LYG2: variants seen among roughly 807,000 people sequenced by gnomAD.
LYG2 encodes the protein lysozyme g2, also known as lysozyme g-like protein 2.
LYG2 carries 25 observed loss-of-function variants against 22.4 expected under a neutral mutation model. The ratio of observed to expected loss-of-function variants is 1.12; its 90% CI spans 0.81 to 1.56. The LOEUF is 1.56. Among genes scored for constraint, LYG2 ranks in the 40% most tolerant of loss-of-function variants. The pLI, the probability that LYG2 is intolerant of heterozygous loss-of-function variation, is 0.00. For missense variants in LYG2, 266 were observed against 269.5 expected, an observed-to-expected ratio of 0.99 and a Z score of 0.09; for synonymous variants, 88 against 97.0, an observed-to-expected ratio of 0.91 and a Z score of 0.55.
intron 3 of LYG2, among the ~76,000 whole-genome samples, chr2:99,253,949 C>G (rs2094031507): frequency 6.6e-6 from 1 of 152,154 alleles, no homozygotes; most frequent in African/African-American, 2.4e-5. Flanking sequence ...GGTAAGGTAT[C>G]CAGCCTGATA....
rs1425891414 is a variant in LYG2 at position 99,245,418 on chromosome 2, C to T, written c.225G>A (p.Arg75=). Residue 75 remains arginine (R), a synonymous_variant, in exon 5 of 7, where the codon AGG becomes AGA. Coordinates refer to ENST00000333017, the MANE Select transcript of LYG2 (RefSeq NM_175735.4). ...GSEMFAEMDL[R]AIKPYQTLIK... is the part of the protein sequence containing the mutation. ...TCAGAGTCTGGTAAGGTTTTATGGC[C>T]CTCAAATCCATCTCAGCAAACATTT... 6.2e-7 allele frequency: 1 copy of T among 1,610,238 alleles called. No homozygotes were observed. The highest frequency in any genetic ancestry group is 1.3e-5 in the African/African-American group (1 of 74,734).
chr2:99,252,897 A>G (rs867262344), intron 3 of LYG2, among the ~76,000 whole-genome samples: 1 of 151,692 alleles, frequency 6.6e-6, no homozygotes, highest in Non-Finnish European at 1.5e-5. Flanking sequence ...ATACAAAAAA[A>G]TTAGCTGGGC....
Position 99,246,817 on chromosome 2 carries a change from G to T in LYG2, c.47C>A (p.Thr16Asn). 1 of 1,609,950 alleles carries T rather than the reference G, an allele frequency of 6.2e-7. No individual in the cohort carries two copies. The highest frequency in any genetic ancestry group is 1.1e-5 in the South Asian group (1 of 90,006). ...VFWGLIALIG[T>N]SRGSYPFSHS... is the part of the protein sequence containing the mutation. ...ACTGAAGGGGTATGAGCCCCTGGAA[G>T]TGCCTAGGAGGCAGAAGTGTAACTC... Residue 16 changes from threonine (T) to asparagine (N), a missense_variant, in exon 4 of 7, where the codon ACT becomes AAT. Coordinates refer to ENST00000333017, the MANE Select transcript of LYG2 (RefSeq NM_175735.4).
At chr2:99,250,605 A>C (rs1031712808) in intron 3 of LYG2, among the ~76,000 whole-genome samples, 1 of 152,038 alleles carries the variant, frequency 6.6e-6, no homozygotes, top group South Asian at 2.1e-4. Context: ...CGATCTGCTG[A>C]CCTTGTGATC....
Position 99,245,470 on chromosome 2 carries a change from G to T in LYG2, c.185-12C>A. 6.4e-7 allele frequency: 1 copy of T among 1,557,116 alleles called. No homozygotes were observed. The highest frequency in any genetic ancestry group is 8.8e-7 in the Non-Finnish European group (1 of 1,138,652). On this transcript the variant is annotated splice_polypyrimidine_tract_variant and intron_variant, in intron 4 of 6. Transcript: ENST00000333017. ...AGAACCACGGATCCCTACGTCAATA[G>T]AAAAGAAACTGTTTTTCCGGGCATG... is the stretch of plus-strand genomic sequence containing the variant.
At chr2:99,253,048 CAAAA>C (rs35859472) in intron 3 of LYG2, among the ~76,000 whole-genome samples, 1 of 67,280 alleles carries the variant, frequency 1.5e-5, no homozygotes, top group African/African-American at 6.3e-5. Context: ...GACTCTGTCT[CAAAA>C]AAAAAAAAAA....
chr2:99,255,906 G>A (rs1409288101), upstream of LYG2, among the ~76,000 whole-genome samples: 1 of 152,196 alleles, frequency 6.6e-6, no homozygotes, highest in Admixed American at 6.5e-5. Context: ...TCAGGCTTAT[G>A]TCCAAAGGAA....
chr2:99,250,164 G>T (rs966084679), intron 3 of LYG2, among the ~76,000 whole-genome samples: 2 of 152,010 alleles, frequency 1.3e-5, no homozygotes, highest in Non-Finnish European at 2.9e-5. Flanking sequence ...GTATGTTTGT[G>T]GTCCCTTTTG....
In LYG2 at chr2:99,244,149, A is replaced by G; in HGVS notation, c.382-12T>C. 2 of 1,610,552 alleles carry G rather than the reference A, an allele frequency of 1.2e-6. No individual in the cohort carries two copies. The highest frequency in any genetic ancestry group is 1.3e-5 in the African/African-American group (1 of 74,870). ...GTTTGTTTATCAAGCTAGAAAATTCAGATAATAAAGTCAGCATCTGGATGA... is the reference window on the plus strand; with the variant it reads ...GTTTGTTTATCAAGCTAGAAAATTCGGATAATAAAGTCAGCATCTGGATGA... On this transcript the variant is annotated splice_polypyrimidine_tract_variant and intron_variant, in intron 5 of 6. Coordinates refer to ENST00000333017, the MANE Select transcript of LYG2 (RefSeq NM_175735.4).
chr2:99,251,225 T>C (rs2094025979), intron 3 of LYG2, among the ~76,000 whole-genome samples: 1 of 151,892 alleles, frequency 6.6e-6, no homozygotes, highest in Non-Finnish European at 1.5e-5. Flanking sequence ...TGGGGAAAAA[T>C]GGAATCATAA....
chr2:99,242,894 A>G lies in LYG2; in HGVS notation c.521-412T>C, dbSNP rs79636153. 1.0e-2 allele frequency among the ~76,000 whole-genome samples: 1,519 copies of G among 152,332 alleles called. 12 individuals carry two copies. Among genetic ancestry groups the G allele is most frequent in the Middle Eastern group, 0.02 (6 of 294 alleles). ...TACTATGTGCCAGGAGAGGTGCCAC[A>G]CTGACTGCAAGGTACCCAAGACACA... On this transcript the variant is annotated intron_variant, in intron 6 of 6. Coordinates refer to ENST00000333017, the MANE Select transcript of LYG2 (RefSeq NM_175735.4).
chr2:99,249,676 G>A (rs547666844), intron 3 of LYG2, among the ~76,000 whole-genome samples: 25 of 146,676 alleles, frequency 1.7e-4, no homozygotes, highest in Admixed American at 4.9e-4. Flanking sequence ...CAGAAGAATC[G>A]CTTGAACCCA....
chr2:99,255,545 C>T (rs1417338261), intron 1 of LYG2, among the ~76,000 whole-genome samples, 58 bp downstream of exon 1: 1 of 152,156 alleles, frequency 6.6e-6, no homozygotes, highest in East Asian at 1.9e-4. Flanking sequence ...ACAGATAATT[C>T]ACTTTAAAAG....
At chr2:99,247,640 A>G (rs1227630836) in intron 3 of LYG2, among the ~76,000 whole-genome samples, 1 of 152,022 alleles carries the variant, frequency 6.6e-6, no homozygotes, top group East Asian at 1.9e-4. Context: ...TTGTTTTGAG[A>G]GGAATTTTAA....
At chr2:99,254,152 C>G in intron 3 of LYG2, 66 bp downstream of exon 3, 1 of 1,374,310 alleles carries the variant, frequency 7.3e-7, no homozygotes, top group Non-Finnish European at 1.0e-6. Flanking sequence ...CTTTCTGATT[C>G]ATGATTGTGC....
chr2:99,257,805 C>T (rs184988325), upstream of LYG2, among the ~76,000 whole-genome samples: 19 of 152,258 alleles, frequency 1.2e-4, no homozygotes, highest in South Asian at 1.9e-3. Flanking sequence ...TCATCCCTAA[C>T]GACTAAATGG....
Position 99,242,496 on chromosome 2 carries a change from C to A in LYG2, c.521-14G>T. 6.5e-7 allele frequency: 1 copy of A among 1,526,816 alleles called. No homozygotes were observed. Among genetic ancestry groups the A allele is most frequent in the South Asian group, 1.1e-5 (1 of 88,328 alleles). The allele number at this position is 1,526,816 out of a possible 1,614,324, so 94.6% of individuals were successfully genotyped here. On this transcript the variant is annotated splice_polypyrimidine_tract_variant and intron_variant, in intron 6 of 6. Coordinates refer to ENST00000333017, the MANE Select transcript of LYG2 (RefSeq NM_175735.4). ...CTGAGAGACCACCTGAAATGAAACA[C>A]AGAGAATTAGGCTCAAATATTAACT...
At chr2:99,244,613 G>C (rs2094012517) in intron 5 of LYG2, among the ~76,000 whole-genome samples, 1 of 152,090 alleles carries the variant, frequency 6.6e-6, no homozygotes, top group Admixed American at 6.6e-5. Context: ...GATCCACATG[G>C]ATGAAATTTA....
In LYG2 at chr2:99,255,666, T is replaced by A. The variant is rs564556044; in HGVS notation, c.-207A>T. Among the ~76,000 whole-genome samples the A allele has an allele frequency of 6.6e-6, 1 of 152,164 alleles. No homozygotes were observed. The highest frequency in any genetic ancestry group is 1.9e-4 in the East Asian group (1 of 5,184). The stretch of plus-strand genomic sequence containing the variant: ...ATGTCATATGATCCCCGTACCAGTA[T>A]GTCACATGATCTCAAACCACTATGT... On this transcript the variant is annotated 5_prime_UTR_variant, in exon 1 of 7. Coordinates refer to ENST00000333017, the MANE Select transcript of LYG2 (RefSeq NM_175735.4).
Sources: gnomAD v4.1 joint callset for allele counts (sites outside exome capture counted in the v4.1 genomes callset) on GRCh38, gnomAD v4.1.1 for gene constraint, MANE v1.5 for transcripts, NCBI Gene and HGNC (gene_info 2026-07-23, HGNC 2026-07-21) for gene names.